SPTAN1: variants seen among roughly 807,000 people sequenced by gnomAD.
SPTAN1 encodes the protein spectrin alpha chain, non-erythrocytic 1.
SPTAN1 carries 61 observed loss-of-function variants against 331.3 expected under a neutral mutation model. The ratio of observed to expected loss-of-function variants is 0.18; its 90% CI spans 0.15 to 0.23. SPTAN1 has a LOEUF of 0.23. SPTAN1 is among the 10% of genes least tolerant of loss of function. SPTAN1 has a pLI of 1.00. For missense variants in SPTAN1, 2,043 were observed against 3,147.9 expected (o/e 0.65, Z 8.40); for synonymous variants, 1,153 against 1,173.9 (o/e 0.98, Z 0.36).
intron 3 of SPTAN1, among the ~76,000 whole-genome samples, chr9:128,570,622 G>A (rs1400418331): frequency 6.6e-6 from 1 of 151,580 alleles, no homozygotes; most frequent in Non-Finnish European, 1.5e-5. Context: ...ACAGGCTTGA[G>A]CCACCGTGCC....
rs760931553 is a variant in SPTAN1 at position 128,607,667 on chromosome 9, T to A, written c.4110T>A (p.Asp1370Glu). 5 of 1,613,928 alleles carry A rather than the reference T, an allele frequency of 3.1e-6. No individual in the cohort carries two copies. Among genetic ancestry groups the A allele is most frequent in the Non-Finnish European group, 4.2e-6 (5 of 1,180,022 alleles). Reference sequence around the variant, plus strand: ...TGTCCTCAGATGAGCTAGCCAAGGATGTCACCGGAGCTGAGGCATTGCTGG... The same window carrying A: ...TGTCCTCAGATGAGCTAGCCAAGGAAGTCACCGGAGCTGAGGCATTGCTGG... ...GLVSSDELAKDVTGAEALLER... is the reference protein window; with the variant it reads ...GLVSSDELAKEVTGAEALLER... The change falls in exon 32 of 57, where the codon GAT becomes GAA. Residue 1370 changes from aspartate (D) to glutamate (E), a missense_variant. Physicochemically the swap from Asp to Glu is conservative, Grantham distance 45. Around this residue, in one of 12 missense-constraint regions of SPTAN1, gnomAD observed 179 missense variants for 215.7 expected, o/e 0.83. Transcript: ENST00000372739.
At chr9:128,607,434 TAAC>T (rs1358037339) in intron 31 of SPTAN1, among the ~76,000 whole-genome samples, 167 bp from the exon 32 acceptor site, 3 of 152,186 alleles carry the variant, frequency 2.0e-5, no homozygotes, top group African/African-American at 4.8e-5. Context: ...TTTAAAAAAA[TAAC>T]AAGAAGTTTT....
At chr9:128,608,465 GAA>G (rs955144305) in intron 34 of SPTAN1, among the ~76,000 whole-genome samples, 189 bp downstream of exon 34, 1 of 150,952 alleles carries the variant, frequency 6.6e-6, no homozygotes, top group Non-Finnish European at 1.5e-5. Flanking sequence ...GGTGCCACAG[GAA>G]AAAAAAATAT....
At chr9:128,553,115 G>A in intron 1 of SPTAN1, 1 of 152,222 alleles carries the variant, frequency 6.6e-6, no homozygotes, top group Non-Finnish European at 1.5e-5. Flanking sequence ...CCCTTCCCTC[G>A]GCCGGGAGCG....
chr9:128,619,923 G>A (rs978158039), intron 44 of SPTAN1, among the ~76,000 whole-genome samples: 4 of 152,212 alleles, frequency 2.6e-5, no homozygotes, highest in African/African-American at 7.2e-5. Context: ...CAGGCAGAGC[G>A]TGGCTGGGCT....
In SPTAN1 at chr9:128,629,521, G is replaced by A. The variant is rs1471443489; in HGVS notation, c.6708-800G>A. ...TAGGTTGGGGTGAATGTGGGTACAGGGGAGCCTGGGCTAAAACCCCACCAA... is the reference window on the plus strand; with the variant it reads ...TAGGTTGGGGTGAATGTGGGTACAGAGGAGCCTGGGCTAAAACCCCACCAA... On this transcript the variant is annotated intron_variant, in intron 51 of 56. Transcript: ENST00000372739. The surrounding 1 kb of genome is among the most constrained non-coding windows in gnomAD (Gnocchi z 4.9). 3 of 240,374 alleles carry A rather than the reference G, an allele frequency of 1.2e-5. No individual in the cohort carries two copies. The highest frequency in any genetic ancestry group is 4.5e-5 in the African/African-American group (2 of 44,822). The allele number at this position is 240,374 out of a possible 1,614,324, so 14.9% of individuals were successfully genotyped here. A position where few individuals can be genotyped will look rare whatever the true frequency, so the allele number is the denominator to read the frequency against.
At chr9:128,593,736 C>A in intron 23 of SPTAN1, 1 of 239,496 alleles carries the variant, frequency 4.2e-6, no homozygotes, top group South Asian at 6.2e-5. Flanking sequence ...CTCAGTGTAC[C>A]CTCCCCCACC....
At chr9:128,575,113 C>T in intron 4 of SPTAN1, 86 bp from the exon 5 acceptor site, 4 of 1,565,812 alleles carry the variant, frequency 2.6e-6, no homozygotes, top group Non-Finnish European at 3.5e-6. Flanking sequence ...ATGGCTCCGT[C>T]CCTAATGTGT....
At chr9:128,599,864 T>C (rs1854852865) in intron 26 of SPTAN1, 1 of 596,736 alleles carries the variant, frequency 1.7e-6, no homozygotes, top group East Asian at 2.8e-5. Flanking sequence ...GATAAAAAAA[T>C]TGGAATTTTT....
chr9:128,604,240 T>C, intron 28 of SPTAN1, 86 bp from the exon 29 acceptor site: 2 of 1,377,632 alleles, frequency 1.5e-6, no homozygotes, highest in Middle Eastern at 1.8e-4. Flanking sequence ...TAGCATCTCC[T>C]TCAAACAAAG....
chr9:128,603,779 G>A (rs1217636158), intron 28 of SPTAN1, among the ~76,000 whole-genome samples, 189 bp downstream of exon 28: 1 of 152,212 alleles, frequency 6.6e-6, no homozygotes, highest in African/African-American at 2.4e-5. Context: ...TGGCTTTCCT[G>A]GTCAAGAGCC....
chr9:128,558,260 C>G (rs945834), intron 1 of SPTAN1, among the ~76,000 whole-genome samples: 28,310 of 152,174 alleles, frequency 0.19, 3,517 homozygotes, highest in East Asian at 0.44. Context: ...CCCTGAGATT[C>G]GCATTACTTG....
At position 128,601,960 on chromosome 9, in the gene SPTAN1, C is replaced by A. The variant is rs78737440; in HGVS notation, c.3580-1583C>A. Reference sequence around the variant, plus strand: ...TCTTCCCTTTTCTTACGTAGCAAAACTTGGTCATTGATGATATGAATGGGC... The same window carrying A: ...TCTTCCCTTTTCTTACGTAGCAAAAATTGGTCATTGATGATATGAATGGGC... On this transcript the variant is annotated intron_variant, in intron 27 of 56. Transcript: ENST00000372739. Among the ~76,000 whole-genome samples, 429 of 152,278 alleles carry A rather than the reference C, an allele frequency of 2.8e-3. 10 individuals are homozygous for A. In the East Asian group the frequency reaches 0.041, roughly 15 times the overall value.
intron 22 of SPTAN1, among the ~76,000 whole-genome samples, chr9:128,592,743 G>T (rs1853697131): frequency 2.0e-5 from 3 of 152,172 alleles, no homozygotes; most frequent in South Asian, 4.1e-4. Flanking sequence ...AGGAAAATCT[G>T]CCTTAAGCAT....
intron 38 of SPTAN1, 101 bp downstream of exon 38, chr9:128,611,946 A>G: frequency 9.3e-6 from 15 of 1,604,638 alleles, no homozygotes; most frequent in Non-Finnish European, 1.3e-5. Flanking sequence ...CACTAAATGG[A>G]TTATAGAAGA....
chr9:128,614,914 G>A (rs1425082132), intron 40 of SPTAN1, among the ~76,000 whole-genome samples: 1 of 152,256 alleles, frequency 6.6e-6, no homozygotes, highest in East Asian at 1.9e-4. Context: ...CATCATGCAT[G>A]GCTCATTTGG....
rs1858770529 is a variant in SPTAN1 at position 128,626,526 on chromosome 9, G to A, written c.6415G>A (p.Asp2139Asn). 4 of 1,614,114 alleles carry A rather than the reference G, an allele frequency of 2.5e-6. No individual in the cohort carries two copies. The highest frequency in any genetic ancestry group is 1.7e-6 in the Non-Finnish European group (2 of 1,180,022). Residue 2139 changes from aspartate to asparagine, a missense_variant, in exon 49 of 57, where the codon GAC (aspartate) becomes AAC (asparagine). Physicochemically the swap from Asp to Asn is conservative, Grantham distance 23 (BLOSUM62 1). Around this residue, in one of 12 missense-constraint regions of SPTAN1, gnomAD observed 256 missense variants for 376.4 expected, o/e 0.68. Coordinates refer to ENST00000372739, the MANE Select transcript of SPTAN1 (RefSeq NM_001130438.3). ...AATCAAAGCTTTGCGCGAGGCCCAC[G>A]ACGCCTTCCGCTCCTCCCTCAGCTC... is the stretch of plus-strand genomic sequence containing the variant. ...EEIKALREAH[D>N]AFRSSLSSAQ...
In SPTAN1 at chr9:128,627,681, CCT is replaced by C; in HGVS notation, c.6689+187_6689+188del. ...GGGAGTGGGGGCATAGGTGGAGCAG[CCT>C]CTCAGTGCTGCATGTCCCAGACATC... On this transcript the variant is annotated intron_variant, in intron 50 of 56. Transcript: ENST00000372739. This position sits in a 1 kb window ranked among gnomAD's most constrained non-coding sequence, Gnocchi z 4.9. The C allele has an allele frequency of 1.3e-6, 1 of 777,886 alleles. No homozygotes were observed. The highest frequency in any genetic ancestry group is 2.2e-6 in the Non-Finnish European group (1 of 448,308). The allele number at this position is 777,886 out of a possible 1,614,324, so 48.2% of individuals were successfully genotyped here.
intron 1 of SPTAN1, among the ~76,000 whole-genome samples, chr9:128,559,021 G>T (rs1473670112): frequency 6.6e-6 from 1 of 152,080 alleles, no homozygotes; most frequent in Non-Finnish European, 1.5e-5. Context: ...AATGTTTTTT[G>T]GTGTCTCCTG....
Sources: allele counts gnomAD v4.1 joint callset (sites outside exome capture counted in the v4.1 genomes callset), GRCh38; gene constraint gnomAD v4.1.1; regional missense constraint gnomAD v4.1.1; non-coding constraint Gnocchi (gnomAD v3.1); transcripts MANE v1.5; gene names NCBI Gene and HGNC (gene_info 2026-07-23, HGNC 2026-07-21).